The following EVI5 variants were observed in gnomAD, a reference collection of about 807,000 sequenced individuals.
The protein encoded by EVI5 is ecotropic viral integration site 5, also known as ecotropic viral integration site 5 protein homolog.
A neutral mutation model predicts 112.0 loss-of-function variants in EVI5; 73 were observed. That is an observed-to-expected ratio of 0.65 (90% CI 0.54 to 0.79). The LOEUF (loss-of-function observed/expected upper bound fraction) is 0.79. EVI5 is among the 30% of genes least tolerant of loss of function. The pLI, the probability that EVI5 is intolerant of heterozygous loss-of-function variation, is 0.00. For synonymous variants in EVI5, 305 were observed against 319.9 expected, an observed-to-expected ratio of 0.95 and a Z score of 0.50; for missense variants, 900 against 968.8, an observed-to-expected ratio of 0.93 and a Z score of 0.94.
intron 18 of EVI5, among the ~76,000 whole-genome samples, chr1:92,602,924 A>G (rs908922650): frequency 6.6e-6 from 1 of 152,202 alleles, no homozygotes. Flanking sequence ...ACATAATGGG[A>G]GAAAATATTT....
chr1:92,789,304 G>A (rs1464395597), upstream of EVI5, among the ~76,000 whole-genome samples: 2 of 146,890 alleles, frequency 1.4e-5, no homozygotes, highest in African/African-American at 4.9e-5. Context: ...CCATCCTCCT[G>A]CCTCAGCTTC....
chr1:92,585,815 G>C (rs867486729), intron 18 of EVI5, among the ~76,000 whole-genome samples: 1 of 150,172 alleles, frequency 6.7e-6, no homozygotes, highest in South Asian at 2.1e-4. Flanking sequence ...AAAGTCCTTA[G>C]TTTATTCAGA....
chr1:92,557,045 C>T (rs773380282), intron 19 of EVI5, among the ~76,000 whole-genome samples: 4 of 152,058 alleles, frequency 2.6e-5, no homozygotes, highest in Non-Finnish European at 5.9e-5. Flanking sequence ...TACTCAAATT[C>T]CTAATCACCT....
At chr1:92,615,899 A>AT (rs1382733955) in intron 16 of EVI5, among the ~76,000 whole-genome samples, 2 of 152,202 alleles carry the variant, frequency 1.3e-5, no homozygotes, top group African/African-American at 4.8e-5. Context: ...TGGAAAACAA[A>AT]CCATGGGAAT....
rs114433139 is a variant in EVI5, at chr1:92,529,619, A to C, written c.2167-15649T>G. Among the ~76,000 whole-genome samples, 279 of 152,326 alleles carry C rather than the reference A, an allele frequency of 1.8e-3. 4 individuals are homozygous for C. Among genetic ancestry groups the C allele is most frequent in the African/African-American group, 6.2e-3 (256 of 41,572 alleles). On this transcript the variant is annotated intron_variant, in intron 19 of 19. Coordinates refer to ENST00000684568, the MANE Select transcript of EVI5 (RefSeq NM_001350197.2). ...GTTGTATTCTAAGAATAAGGTGATT[A>C]ATAAAACAATCAAATATGGCTCCAC...
intron 19 of EVI5, among the ~76,000 whole-genome samples, chr1:92,526,022 G>A (rs1293176067): frequency 6.6e-6 from 1 of 151,934 alleles, no homozygotes; most frequent in South Asian, 2.1e-4. Context: ...TTTGAGTAGG[G>A]TTCTGGCTTC....
chr1:92,624,843 C>T (rs1191407282), intron 15 of EVI5, among the ~76,000 whole-genome samples: 7 of 152,096 alleles, frequency 4.6e-5, no homozygotes, highest in Non-Finnish European at 1.5e-5. Flanking sequence ...TTATTGGTTC[C>T]CAACTGGGGC....
rs112827718 is a variant in EVI5, at chr1:92,529,503, T to C, written c.2167-15533A>G. 1.4e-3 allele frequency among the ~76,000 whole-genome samples: 216 copies of C among 152,322 alleles called. 3 individuals carry two copies. The South Asian group carries it at 0.017, about 12-fold the overall frequency. On this transcript the variant is annotated intron_variant, in intron 19 of 19. Transcript: ENST00000684568. ...GTCATATGTATTCATGCAAACTGCC[T>C]AAAAATCTATGGGGAACAAGGTAGG...
intron 9 of EVI5, among the ~76,000 whole-genome samples, chr1:92,677,837 A>G (rs1024151352): frequency 6.6e-6 from 1 of 152,206 alleles, no homozygotes; most frequent in Non-Finnish European, 1.5e-5. Context: ...TTTACAGTAC[A>G]GAATCCTAGT....
intron 2 of EVI5, among the ~76,000 whole-genome samples, chr1:92,722,267 T>C (rs1010202168): frequency 6.6e-6 from 1 of 152,158 alleles, no homozygotes; most frequent in Non-Finnish European, 1.5e-5. Flanking sequence ...AACTTATTCC[T>C]CTTATCTAAC....
chr1:92,629,899 G>A (rs1172475099), intron 14 of EVI5, among the ~76,000 whole-genome samples: 4 of 144,384 alleles, frequency 2.8e-5, no homozygotes, highest in Non-Finnish European at 1.5e-5. Flanking sequence ...TCCCACCTAT[G>A]AGTGAGAACA....
intron 18 of EVI5, among the ~76,000 whole-genome samples, chr1:92,584,862 C>G (rs763296583): frequency 5.3e-5 from 8 of 152,108 alleles, no homozygotes; most frequent in African/African-American, 9.7e-5. Flanking sequence ...AGTATTAAGA[C>G]TGATTTAATT....
intron 18 of EVI5, among the ~76,000 whole-genome samples, chr1:92,582,752 T>C (rs1672137586): frequency 6.6e-6 from 1 of 152,230 alleles, no homozygotes; most frequent in African/African-American, 2.4e-5. Context: ...CTGGAAGTTC[T>C]AGTTCTTATT....
rs564374133 is a variant in EVI5 at position 92,517,432 on chromosome 1, C to A, written c.2167-3462G>T. Among the ~76,000 whole-genome samples the A allele has an allele frequency of 4.2e-4, 64 of 152,216 alleles. 1 individual carries two copies. The highest frequency in any genetic ancestry group is 8.5e-4 in the Non-Finnish European group (58 of 68,034). On this transcript the variant is annotated intron_variant, in intron 19 of 19. Coordinates refer to ENST00000684568, the MANE Select transcript of EVI5 (RefSeq NM_001350197.2). ...CCATAGATACCAAGGGATGACAGTG[C>A]TCTAAACTCTCAGAATCACCGTGGT...
At chr1:92,695,954 G>A (rs562882013) in intron 6 of EVI5, among the ~76,000 whole-genome samples, 12 of 147,620 alleles carry the variant, frequency 8.1e-5, no homozygotes, top group East Asian at 5.9e-4. Flanking sequence ...TTTTTGAGAT[G>A]GGGTCTCACT....
chr1:92,555,794 G>A (rs1415975080), intron 19 of EVI5, among the ~76,000 whole-genome samples: 2 of 148,538 alleles, frequency 1.3e-5, no homozygotes, highest in Non-Finnish European at 3.0e-5. Flanking sequence ...AGGTTGCAGT[G>A]AGCCGAGACT....
chr1:92,703,799 T>TGATA, intron 3 of EVI5, 180 bp from the exon 4 acceptor site: 1 of 558,740 alleles, frequency 1.8e-6, no homozygotes, highest in Non-Finnish European at 3.1e-6. Flanking sequence ...GGGCCCTGGG[T>TGATA]GTATCCTCTT....
chr1:92,573,807 T>C (rs528159146), intron 18 of EVI5, among the ~76,000 whole-genome samples: 4 of 152,152 alleles, frequency 2.6e-5, no homozygotes, highest in African/African-American at 4.8e-5. Context: ...TAGTAACATA[T>C]GATGATGAAC....
rs374834504 is a variant in EVI5, at chr1:92,629,930, C to A, written c.1528-3996G>T. ...GAACATGTGGTGTTTGGTATTTTGTCCTTGTGATAGTTTGCTGAGAATGAT... is the reference window on the plus strand; with the variant it reads ...GAACATGTGGTGTTTGGTATTTTGTACTTGTGATAGTTTGCTGAGAATGAT... On this transcript the variant is annotated intron_variant, in intron 14 of 19. Coordinates refer to ENST00000684568, the MANE Select transcript of EVI5 (RefSeq NM_001350197.2). Among the ~76,000 whole-genome samples the A allele has an allele frequency of 1.6e-4, 24 of 150,456 alleles. No homozygotes were observed. The East Asian group carries it at 4.7e-3, about 30-fold the overall frequency.
Sources: gnomAD v4.1 joint callset for allele counts (sites outside exome capture counted in the v4.1 genomes callset) on GRCh38, gnomAD v4.1.1 for gene constraint, MANE v1.5 for transcripts, NCBI Gene and HGNC (gene_info 2026-07-23, HGNC 2026-07-21) for gene names.